Variants in DPP6 observed in about 807,000 individuals in gnomAD.
The protein encoded by DPP6 is dipeptidyl peptidase like 6.
A neutral mutation model predicts 122.6 loss-of-function variants in DPP6; 69 were observed. The observed-to-expected ratio is 0.56, with a 90% confidence interval of 0.46 to 0.69. The LOEUF (loss-of-function observed/expected upper bound fraction) is 0.69, where lower values mean the gene tolerates loss of function less well. Among genes scored for constraint, DPP6 ranks in the 30% least tolerant of loss-of-function variants. The pLI is 0.00. For missense variants in DPP6, 928 were observed against 1,116.9 expected (o/e 0.83, Z 2.41); for synonymous variants, 418 against 433.1 (o/e 0.97, Z 0.43).
At chr7:154,568,011 C>A (rs1830870133) in intron 5 of DPP6, among the ~76,000 whole-genome samples, 1 of 152,118 alleles carries the variant, frequency 6.6e-6, no homozygotes, top group African/African-American at 2.4e-5. Context: ...TTTTAAATGT[C>A]CATTCTATAA....
At chr7:154,166,000 C>T (rs906859321) in intron 1 of DPP6, among the ~76,000 whole-genome samples, 2 of 152,188 alleles carry the variant, frequency 1.3e-5, no homozygotes, top group East Asian at 3.9e-4. Flanking sequence ...ACCTCTCCTG[C>T]CTTTTTTTGG....
chr7:154,509,790 A>G (rs1211637767), intron 3 of DPP6, among the ~76,000 whole-genome samples: 3 of 152,258 alleles, frequency 2.0e-5, no homozygotes, highest in African/African-American at 7.2e-5. Context: ...TTCCTGCTAC[A>G]TGCTACGTAC....
At chr7:153,966,847 A>G (rs1795767762) in intron 1 of DPP6, among the ~76,000 whole-genome samples, 1 of 151,296 alleles carries the variant, frequency 6.6e-6, no homozygotes, top group Non-Finnish European at 1.5e-5. Context: ...CAGGCAGATC[A>G]CTTGAGCTCG....
chr7:153,924,104 G>A (rs1169408580), intron 1 of DPP6, among the ~76,000 whole-genome samples: 1 of 151,196 alleles, frequency 6.6e-6, no homozygotes, highest in Non-Finnish European at 1.5e-5. Flanking sequence ...TAACAGTAAT[G>A]TGTATTATTG....
In DPP6 at chr7:153,949,545, G is replaced by C. The variant is rs369603178; in HGVS notation, c.51+61811G>C. Among the ~76,000 whole-genome samples the C allele has an allele frequency of 6.5e-4, 99 of 152,298 alleles. 1 individual carries two copies. In the East Asian group the frequency reaches 0.015, roughly 24 times the overall value. ...TGTTTGCAGGTGAAGGAAAAGGTGG[G>C]TAGGGTAGACGTTCAAAGGGAATCA... On this transcript the variant is annotated intron_variant, in intron 1 of 25. Coordinates refer to the DPP6 transcript ENST00000404039.
chr7:154,115,725 A>G (rs1298102878), intron 1 of DPP6, among the ~76,000 whole-genome samples: 2 of 152,122 alleles, frequency 1.3e-5, no homozygotes, highest in East Asian at 3.9e-4. Context: ...GATTCTTCAC[A>G]TTTGGTTGGT....
chr7:154,366,161 A>G (rs1812172798), intron 1 of DPP6, among the ~76,000 whole-genome samples: 2 of 152,130 alleles, frequency 1.3e-5, no homozygotes, highest in Non-Finnish European at 2.9e-5. Context: ...ACAGTAATGC[A>G]ACTCAGGCTG....
intron 1 of DPP6, among the ~76,000 whole-genome samples, chr7:154,195,021 T>C (rs189743173): frequency 6.6e-6 from 1 of 152,328 alleles, no homozygotes; most frequent in East Asian, 1.9e-4. Flanking sequence ...TTGGTTCTCT[T>C]ATAGATTATG....
chr7:154,294,069 C>T (rs1010957144), intron 1 of DPP6, among the ~76,000 whole-genome samples: 4 of 152,098 alleles, frequency 2.6e-5, no homozygotes, highest in African/African-American at 4.8e-5. Flanking sequence ...CGAAAGGACC[C>T]GGGATTTGCA....
intron 1 of DPP6, among the ~76,000 whole-genome samples, chr7:153,911,108 G>A (rs1285585733): frequency 6.6e-6 from 1 of 152,208 alleles, no homozygotes; most frequent in Non-Finnish European, 1.5e-5. Flanking sequence ...CTGGCTGGCT[G>A]ATGTAGAGGC....
intron 6 of DPP6, among the ~76,000 whole-genome samples, chr7:154,655,043 G>T (rs898433979): frequency 6.6e-6 from 1 of 152,086 alleles, no homozygotes; most frequent in African/African-American, 2.4e-5. Context: ...CATGTGTCAG[G>T]TTCTCTTTTA....
chr7:154,431,518 A>T (rs1159133403), intron 1 of DPP6, among the ~76,000 whole-genome samples: 103 of 55,398 alleles, frequency 1.9e-3, no homozygotes, highest in South Asian at 2.6e-3. Flanking sequence ...TTCTTTTATT[A>T]TTTCTTTCTT....
At chr7:154,059,804 C>T (rs1429666759) in intron 1 of DPP6, among the ~76,000 whole-genome samples, 1 of 151,348 alleles carries the variant, frequency 6.6e-6, no homozygotes, top group East Asian at 1.9e-4. Flanking sequence ...GGGGCCCTGG[C>T]TGAGGCCCGT....
intron 1 of DPP6, among the ~76,000 whole-genome samples, chr7:153,928,675 CATCCTGG>C (rs1379893643): frequency 6.6e-6 from 1 of 152,038 alleles, no homozygotes; most frequent in East Asian, 1.9e-4. Flanking sequence ...ACAGCCTGAT[CATCCTGG>C]AAGGCCCCAC....
intron 1 of DPP6, among the ~76,000 whole-genome samples, chr7:153,983,880 T>C (rs1255587636): frequency 6.6e-6 from 1 of 152,048 alleles, no homozygotes; most frequent in Non-Finnish European, 1.5e-5. Context: ...CTGCACCCAC[T>C]GTCTAACCAG....
At chr7:154,007,137 A>G (rs1401978683) in intron 1 of DPP6, among the ~76,000 whole-genome samples, 1 of 152,184 alleles carries the variant, frequency 6.6e-6, no homozygotes. Flanking sequence ...GTGGTGCCCC[A>G]GTGTTGGGAT....
chr7:154,871,679 T>C (rs1213231568), intron 18 of DPP6, among the ~76,000 whole-genome samples: 3 of 152,118 alleles, frequency 2.0e-5, no homozygotes, highest in Non-Finnish European at 4.4e-5. Context: ...GCCATTGAGC[T>C]AATTTGCAAG....
chr7:154,171,366 C>T (rs940929999), intron 1 of DPP6, among the ~76,000 whole-genome samples: 15 of 152,278 alleles, frequency 9.9e-5, no homozygotes, highest in African/African-American at 1.9e-4. Flanking sequence ...ATTTAATACA[C>T]GTCTCGACAA....
chr7:154,048,663 C>T (rs1267177327), upstream of DPP6, among the ~76,000 whole-genome samples: 3 of 91,176 alleles, frequency 3.3e-5, no homozygotes, highest in Admixed American at 3.1e-4. Flanking sequence ...TTCATTTCTT[C>T]AAATATTAGT....
Sources: allele counts gnomAD v4.1 joint callset (sites outside exome capture counted in the v4.1 genomes callset), GRCh38; gene constraint gnomAD v4.1.1; transcripts MANE v1.5; gene names NCBI Gene and HGNC (gene_info 2026-07-23, HGNC 2026-07-21).